Variants in CERT1 observed in about 807,000 individuals in gnomAD.
CERT1 encodes the protein ceramide transporter 1, also known as ceramide transfer protein.
CERT1 carries 31 observed loss-of-function variants against 87.9 expected under a neutral mutation model. The ratio of observed to expected loss-of-function variants is 0.35; its 90% CI spans 0.27 to 0.48. The LOEUF (loss-of-function observed/expected upper bound fraction) is 0.48, where lower values mean the gene tolerates loss of function less well. CERT1 is among the 20% of genes least tolerant of loss of function. The pLI, the probability that CERT1 is intolerant of heterozygous loss-of-function variation, is 0.99. For missense variants in CERT1, 487 were observed against 758.0 expected (o/e 0.64, Z 4.20); for synonymous variants, 289 against 250.9 (o/e 1.15, Z -1.44).
At chr5:75,413,421 A>T (rs1763010784) in intron 7 of CERT1, among the ~76,000 whole-genome samples, 1 of 152,224 alleles carries the variant, frequency 6.6e-6, no homozygotes, top group Non-Finnish European at 1.5e-5. Context: ...ATTTTTGTGT[A>T]CTAAAGAGAA....
chr5:75,405,268 A>G (rs1247869843), intron 8 of CERT1, among the ~76,000 whole-genome samples: 1 of 151,890 alleles, frequency 6.6e-6, no homozygotes, highest in Non-Finnish European at 1.5e-5. Flanking sequence ...AGATTCCTAA[A>G]TTCCCCTCTC....
At chr5:75,427,322 C>T (rs1236611573) in intron 3 of CERT1, among the ~76,000 whole-genome samples, 2 of 152,138 alleles carry the variant, frequency 1.3e-5, no homozygotes, top group East Asian at 1.9e-4. Flanking sequence ...AGGCCAGGCG[C>T]GGTGGCTCAG....
At chr5:75,423,562 G>A (rs1002217596) in intron 5 of CERT1, among the ~76,000 whole-genome samples, 39 of 152,072 alleles carry the variant, frequency 2.6e-4, no homozygotes, top group African/African-American at 8.7e-4. Flanking sequence ...GCCACATAGC[G>A]AGACCTCATC....
At chr5:75,397,118 A>C (rs1339688263) in intron 11 of CERT1, among the ~76,000 whole-genome samples, 1 of 152,218 alleles carries the variant, frequency 6.6e-6, no homozygotes, top group African/African-American at 2.4e-5. Flanking sequence ...GAACTGCTGA[A>C]CATAAGGCAC....
At chr5:75,458,517 G>A (rs960990279) in intron 3 of CERT1, among the ~76,000 whole-genome samples, 5 of 152,000 alleles carry the variant, frequency 3.3e-5, no homozygotes, top group Non-Finnish European at 7.4e-5. Context: ...TTATGAAAAA[G>A]GGTATATTTT....
At chr5:75,430,067 C>A (rs1266424348) in intron 3 of CERT1, among the ~76,000 whole-genome samples, 7 of 151,934 alleles carry the variant, frequency 4.6e-5, no homozygotes, top group Admixed American at 4.6e-4. Flanking sequence ...GGAAAGGAAT[C>A]TGTAACCAAA....
chr5:75,416,084 A>G (rs888194866), intron 7 of CERT1, among the ~76,000 whole-genome samples: 2 of 152,144 alleles, frequency 1.3e-5, no homozygotes, highest in Non-Finnish European at 2.9e-5. Context: ...TGCAAGCAAT[A>G]TAACTCAGAA....
At chr5:75,373,333 T>C (rs1488941144), downstream of CERT1, 1 of 152,220 alleles carries the variant, frequency 6.6e-6, no homozygotes, top group Non-Finnish European at 1.5e-5. Flanking sequence ...GAACTTATCT[T>C]GACCATTTTC....
intron 2 of CERT1, among the ~76,000 whole-genome samples, chr5:75,477,481 A>G (rs991425841): frequency 1.3e-5 from 2 of 152,002 alleles, no homozygotes; most frequent in East Asian, 3.9e-4. Flanking sequence ...GATACTACCA[A>G]AATCTCCTCT....
chr5:75,511,283 T>TGAA lies in CERT1; in HGVS notation c.-79_-77dup, dbSNP rs748076574. 27 of 1,577,956 alleles carry TGAA rather than the reference T, an allele frequency of 1.7e-5. No homozygotes were observed. Among genetic ancestry groups the TGAA allele is most frequent in the African/African-American group, 2.7e-5 (2 of 73,966 alleles). The stretch of plus-strand genomic sequence containing the variant: ...CGGAGGAGGCGCCCAGTCCTCGGGG[T>TGAA]GAAGGGTCGGGGGATGGCGAAGCGA... On this transcript the variant is annotated 5_prime_UTR_variant, in exon 1 of 17. Coordinates refer to ENST00000643780, the MANE Select transcript of CERT1 (RefSeq NM_001379029.1).
intron 7 of CERT1, among the ~76,000 whole-genome samples, chr5:75,415,849 A>C (rs928234652): frequency 1.3e-5 from 2 of 152,164 alleles, no homozygotes; most frequent in Admixed American, 1.3e-4. Flanking sequence ...GAAGATAATA[A>C]TAGTTTGGCT....
intron 3 of CERT1, among the ~76,000 whole-genome samples, chr5:75,444,719 G>T (rs1481923967): frequency 2.6e-5 from 4 of 151,436 alleles, no homozygotes; most frequent in African/African-American, 9.7e-5. Context: ...GCCAATTTTT[G>T]TATTTTTAGT....
chr5:75,393,784 T>G (rs1005594817), intron 11 of CERT1, among the ~76,000 whole-genome samples: 70 of 150,446 alleles, frequency 4.7e-4, no homozygotes, highest in African/African-American at 1.6e-3. Flanking sequence ...GCTAACACGG[T>G]GAACTCCCCT....
In CERT1 at chr5:75,388,886, A is replaced by G. The variant is rs138537567; in HGVS notation, c.1284+706T>C. 5.3e-3 allele frequency among the ~76,000 whole-genome samples: 804 copies of G among 152,008 alleles called. 1 individual carries two copies. Among genetic ancestry groups the G allele is most frequent in the Middle Eastern group, 0.034 (10 of 294 alleles). On this transcript the variant is annotated intron_variant, in intron 12 of 16. Coordinates refer to ENST00000643780, the MANE Select transcript of CERT1 (RefSeq NM_001379029.1). The stretch of plus-strand genomic sequence containing the variant: ...GTAATCCGCCTGCCATGTCCTCCTA[A>G]AAGTGCTGGGATTACAGGCATAGCC...
Position 75,381,191 on chromosome 5 carries a change from C to G in CERT1, c.1628G>C (p.Arg543Pro). Residue 543 changes from arginine (R) to proline (P), a missense_variant, in exon 16 of 17, where the codon CGA becomes CCA. By Grantham distance (103) the Arg-to-Pro change is moderately radical. This residue lies in a region of CERT1 where 147 missense variants were observed against 200.8 expected (regional missense o/e 0.73). Coordinates refer to ENST00000643780, the MANE Select transcript of CERT1 (RefSeq NM_001379029.1). ...AACATTTATTTTGGCACGGACACAT[C>G]GGTTGTTTAGCTGCCAAAACAAAAA... ...VDHDSAPLNN[R>P]CVRAKINVAM... 1 of 1,614,038 alleles carries G rather than the reference C, an allele frequency of 6.2e-7. No homozygotes were observed. Among genetic ancestry groups the G allele is most frequent in the Non-Finnish European group, 8.5e-7 (1 of 1,179,980 alleles).
intron 5 of CERT1, among the ~76,000 whole-genome samples, chr5:75,422,006 T>C (rs534840294): frequency 1.6e-4 from 24 of 152,302 alleles, no homozygotes; most frequent in Middle Eastern, 3.4e-3. Flanking sequence ...TTGTTTATAA[T>C]GCTAGCTCAT....
intron 5 of CERT1, 119 bp downstream of exon 5, chr5:75,425,242 G>T (rs1341430292): frequency 6.7e-5 from 61 of 914,066 alleles, no homozygotes; most frequent in Non-Finnish European, 9.8e-6. Context: ...TTCACTGGGG[G>T]TTTGCAGCAA....
At chr5:75,458,963 A>C (rs1765115928) in intron 3 of CERT1, 102 bp downstream of exon 3, 1 of 672,724 alleles carries the variant, frequency 1.5e-6, no homozygotes, top group African/African-American at 1.8e-5. Flanking sequence ...AATAATGTTC[A>C]ATGTTTCAGT....
At chr5:75,392,284 G>A (rs1208423759) in intron 11 of CERT1, among the ~76,000 whole-genome samples, 1 of 152,174 alleles carries the variant, frequency 6.6e-6, no homozygotes, top group Non-Finnish European at 1.5e-5. Flanking sequence ...GTATAAAAAC[G>A]TTTTAAAAAT....
Sources: allele counts gnomAD v4.1 joint callset (sites outside exome capture counted in the v4.1 genomes callset), GRCh38; gene constraint gnomAD v4.1.1; regional missense constraint gnomAD v4.1.1; transcripts MANE v1.5; gene names NCBI Gene and HGNC (gene_info 2026-07-23, HGNC 2026-07-21).